TENM3: variants seen among roughly 807,000 people sequenced by gnomAD.
TENM3 encodes the protein teneurin-3.
A neutral mutation model predicts 255.1 loss-of-function variants in TENM3; 63 were observed. The observed-to-expected ratio is 0.25, with a 90% CI of 0.20 to 0.30. The LOEUF (loss-of-function observed/expected upper bound fraction) is 0.30, where lower values mean the gene tolerates loss of function less well. TENM3 is among the 10% of genes least tolerant of loss of function. The pLI, the probability that TENM3 is intolerant of heterozygous loss-of-function variation, is 1.00. For missense variants in TENM3, 2,929 were observed against 3,461.1 expected, an observed-to-expected ratio of 0.85 and a Z score of 3.86; for synonymous variants, 1,306 against 1,322.3, an observed-to-expected ratio of 0.99 and a Z score of 0.27.
At chr4:181,937,567 G>T in the TENM3 span, among the ~76,000 whole-genome samples, 3 of 152,160 alleles carry the variant, frequency 2.0e-5, no homozygotes, top group Non-Finnish European at 2.9e-5. Flanking sequence ...GAGGAATAAA[G>T]AACATGAGGA....
Position 182,743,154 on chromosome 4 carries a change from A to G in TENM3, c.3380-16A>G, listed in dbSNP as rs778566515. ...TTTTTCATCATAAGAAAAACAATGCACTTTATTTCTTCTAGGTATACTGTA... is the reference window on the plus strand; with the variant it reads ...TTTTTCATCATAAGAAAAACAATGCGCTTTATTTCTTCTAGGTATACTGTA... On this transcript the variant is annotated splice_polypyrimidine_tract_variant and intron_variant, in intron 18 of 27. Transcript: ENST00000511685. 1.3e-6 allele frequency: 2 copies of G among 1,574,654 alleles called. No individual in the cohort carries two copies. Among genetic ancestry groups the G allele is most frequent in the Non-Finnish European group, 1.7e-6 (2 of 1,154,652 alleles).
intron 19 of TENM3, among the ~76,000 whole-genome samples, chr4:182,747,151 A>G (rs1762065816): frequency 6.6e-6 from 1 of 152,196 alleles, no homozygotes; most frequent in Admixed American, 6.5e-5. Context: ...AAGTGTGTCT[A>G]AATCTACAAA....
At chr4:182,183,152 A>C (rs1369494653) in intron 1 of TENM3, among the ~76,000 whole-genome samples, 1 of 152,170 alleles carries the variant, frequency 6.6e-6, no homozygotes, top group Admixed American at 6.5e-5. Flanking sequence ...GTTGCAGAAA[A>C]TTAAGGGTGA....
intron 1 of TENM3, among the ~76,000 whole-genome samples, chr4:182,202,044 T>G (rs1000583902): frequency 2.6e-5 from 4 of 152,200 alleles, no homozygotes; most frequent in African/African-American, 9.6e-5. Flanking sequence ...CCTTGGTATG[T>G]GTGAAGCACA....
At chr4:181,880,858 G>T in the TENM3 span, among the ~76,000 whole-genome samples, 46 of 152,180 alleles carry the variant, frequency 3.0e-4, no homozygotes, top group Admixed American at 7.9e-4. Context: ...CTATGTGCAG[G>T]GCTCCTCCTA....
chr4:181,842,037 C>T, the TENM3 span, among the ~76,000 whole-genome samples: 1 of 144,738 alleles, frequency 6.9e-6, no homozygotes, highest in Non-Finnish European at 1.5e-5. Context: ...CTTACTGTAT[C>T]ACAGATTTTT....
the TENM3 span, among the ~76,000 whole-genome samples, chr4:181,503,656 GT>G: frequency 6.6e-6 from 1 of 152,176 alleles, no homozygotes; most frequent in Non-Finnish European, 1.5e-5. Context: ...AGCGTCTGGT[GT>G]TGGGACTCCC....
chr4:181,809,655 C>T, the TENM3 span, among the ~76,000 whole-genome samples: 1 of 152,158 alleles, frequency 6.6e-6, no homozygotes, highest in Non-Finnish European at 1.5e-5. Flanking sequence ...TGTCTGCGTC[C>T]TAATCCCCAG....
At chr4:181,645,164 G>A in the TENM3 span, among the ~76,000 whole-genome samples, 15 of 152,244 alleles carry the variant, frequency 9.9e-5, no homozygotes, top group Non-Finnish European at 1.5e-4. Context: ...AAATGAAATC[G>A]ATTCCTTGAA....
At chr4:181,498,422 C>T in the TENM3 span, among the ~76,000 whole-genome samples, 14 of 152,006 alleles carry the variant, frequency 9.2e-5, no homozygotes, top group Admixed American at 7.2e-4. Context: ...TTCTAAACAT[C>T]CTGTCTCAAG....
chr4:182,736,190 T>C (rs1761147418), intron 16 of TENM3, among the ~76,000 whole-genome samples: 1 of 152,238 alleles, frequency 6.6e-6, no homozygotes, highest in Admixed American at 6.5e-5. Context: ...TGGAATCTGC[T>C]ACAATCTAAC....
chr4:182,028,429 T>A, the TENM3 span, among the ~76,000 whole-genome samples: 1 of 152,196 alleles, frequency 6.6e-6, no homozygotes, highest in African/African-American at 2.4e-5. Context: ...TGTTTCATTA[T>A]CTTTTGTATT....
the TENM3 span, among the ~76,000 whole-genome samples, chr4:181,916,401 T>C: frequency 2.0e-4 from 30 of 152,216 alleles, no homozygotes; most frequent in Non-Finnish European, 3.7e-4. Flanking sequence ...ATAAACATTA[T>C]CTCCATGTCT....
At chr4:182,742,662 A>C (rs1761697065) in intron 18 of TENM3, among the ~76,000 whole-genome samples, 1 of 152,198 alleles carries the variant, frequency 6.6e-6, no homozygotes, top group Non-Finnish European at 1.5e-5. Flanking sequence ...ATATTGATTA[A>C]CAATGAGGCA....
At chr4:181,928,817 C>G in the TENM3 span, among the ~76,000 whole-genome samples, 18 of 152,286 alleles carry the variant, frequency 1.2e-4, no homozygotes, top group East Asian at 3.5e-3. Context: ...GCCCATCAGA[C>G]TAACAGTGGA....
At chr4:181,586,464 C>T in the TENM3 span, among the ~76,000 whole-genome samples, 10 of 152,108 alleles carry the variant, frequency 6.6e-5, no homozygotes, top group East Asian at 1.9e-4. Context: ...GAAGAGACGA[C>T]GACCAGGCAA....
the TENM3 span, among the ~76,000 whole-genome samples, chr4:182,002,902 G>A: frequency 3.3e-5 from 5 of 151,998 alleles, no homozygotes; most frequent in Admixed American, 1.3e-4. Flanking sequence ...GCCTTTATAC[G>A]AAAGCTCAAA....
chr4:182,498,009 A>G lies in TENM3; in HGVS notation c.512-102915A>G, dbSNP rs186710003. Among the ~76,000 whole-genome samples, 4 of 152,166 alleles carry G rather than the reference A, an allele frequency of 2.6e-5. No individual in the cohort carries two copies. In the East Asian group the frequency reaches 7.7e-4, roughly 29 times the overall value. On this transcript the variant is annotated intron_variant, in intron 3 of 27. Transcript: ENST00000511685. ...TGTTGAGTAATGAAAACTCAGGATC[A>G]TGAAAAGTAAGAATTGTTAGAAGGT...
At chr4:182,264,238 C>T (rs1579948417) in intron 1 of TENM3, among the ~76,000 whole-genome samples, 1 of 152,222 alleles carries the variant, frequency 6.6e-6, no homozygotes, top group Admixed American at 6.5e-5. Context: ...GAGGGTACTT[C>T]AGGATGAAAC....
Sources: gnomAD v4.1 joint callset for allele counts (sites outside exome capture counted in the v4.1 genomes callset) on GRCh38, gnomAD v4.1.1 for gene constraint, MANE v1.5 for transcripts, NCBI Gene and HGNC (gene_info 2026-07-23, HGNC 2026-07-21) for gene names.